The following PPP6R3 variants were observed in gnomAD, a reference collection of about 807,000 sequenced individuals.
The protein encoded by PPP6R3 is serine/threonine-protein phosphatase 6 regulatory subunit 3.
In PPP6R3, 38 loss-of-function variants were observed where a neutral mutation model predicts 110.7. That is an observed-to-expected ratio of 0.34 (90% CI 0.26 to 0.45). PPP6R3 has a LOEUF of 0.45. PPP6R3 is among the 20% of genes least tolerant of loss of function. The probability of loss-of-function intolerance (pLI) is 1.00; values close to 1 mark genes in which losing one functional copy is unlikely to be tolerated. For missense variants in PPP6R3, 870 were observed against 1,062.4 expected (o/e 0.82, Z 2.52); for synonymous variants, 369 against 373.5 (o/e 0.99, Z 0.14).
At chr11:68,600,298 C>A (rs758559753) in intron 19 of PPP6R3, 43 bp from the exon 20 acceptor site, 6 of 1,580,810 alleles carry the variant, frequency 3.8e-6, no homozygotes, top group Non-Finnish European at 4.3e-6. Flanking sequence ...GTACATGAAA[C>A]GACTGAAGTG....
At chr11:68,580,858 G>A (rs1185632290) in intron 14 of PPP6R3, among the ~76,000 whole-genome samples, 4 of 125,564 alleles carry the variant, frequency 3.2e-5, no homozygotes, top group Non-Finnish European at 6.3e-5. Flanking sequence ...TGCAAGCTCC[G>A]CCTCCTGGGT....
intron 1 of PPP6R3, among the ~76,000 whole-genome samples, chr11:68,485,477 C>G (rs2098941208): frequency 6.6e-6 from 1 of 152,078 alleles, no homozygotes; most frequent in African/African-American, 2.4e-5. Flanking sequence ...AGTGGGAAAG[C>G]TTTAATTTCT....
intron 1 of PPP6R3, among the ~76,000 whole-genome samples, chr11:68,512,232 C>T (rs536314198): frequency 3.4e-4 from 51 of 152,168 alleles, no homozygotes; most frequent in Non-Finnish European, 6.6e-4. Flanking sequence ...AATTTATTTT[C>T]TCACATTCTG....
intron 1 of PPP6R3, among the ~76,000 whole-genome samples, chr11:68,477,570 T>A (rs1485682228): frequency 6.6e-6 from 1 of 151,082 alleles, no homozygotes; most frequent in Non-Finnish European, 1.5e-5. Context: ...ACACAAAATT[T>A]AAAAAATTAG....
intron 16 of PPP6R3, among the ~76,000 whole-genome samples, chr11:68,588,841 G>C (rs753861900): frequency 5.9e-5 from 9 of 151,598 alleles, no homozygotes; most frequent in Non-Finnish European, 1.3e-4. Context: ...ATTGTTATTA[G>C]ATTACACTTT....
chr11:68,540,233 T>C (rs2099305719), intron 3 of PPP6R3, among the ~76,000 whole-genome samples: 1 of 152,114 alleles, frequency 6.6e-6, no homozygotes, highest in Non-Finnish European at 1.5e-5. Flanking sequence ...TTTTCTGTTT[T>C]CCCTAAGCGT....
chr11:68,529,039 T>C (rs940644473), intron 2 of PPP6R3, among the ~76,000 whole-genome samples: 12 of 152,248 alleles, frequency 7.9e-5, no homozygotes, highest in African/African-American at 2.9e-4. Flanking sequence ...CAAGGGATGC[T>C]GTGAGGTCTG....
At chr11:68,595,116 C>G (rs1359782047) in intron 18 of PPP6R3, among the ~76,000 whole-genome samples, 1 of 148,878 alleles carries the variant, frequency 6.7e-6, no homozygotes, top group Admixed American at 6.7e-5. Context: ...AAAACTTCTA[C>G]AAGAAAACTT....
chr11:68,558,432 GAAATA>G (rs2099407448), intron 7 of PPP6R3, 129 bp from the exon 8 acceptor site: 3 of 568,808 alleles, frequency 5.3e-6, no homozygotes, highest in African/African-American at 3.9e-5. Flanking sequence ...TAAGTATATA[GAAATA>G]AAATAGTAAA....
chr11:68,575,864 T>C (rs1263071593), intron 13 of PPP6R3, 94 bp from the exon 14 acceptor site: 1 of 843,566 alleles, frequency 1.2e-6, no homozygotes, highest in African/African-American at 1.7e-5. Flanking sequence ...ATGAACCAGG[T>C]GAGTAGGCCC....
chr11:68,552,451 A>T (rs2099384987), intron 6 of PPP6R3, among the ~76,000 whole-genome samples: 1 of 152,226 alleles, frequency 6.6e-6, no homozygotes, highest in Non-Finnish European at 1.5e-5. Context: ...CTTCCCCATT[A>T]TCCCTCTTTG....
chr11:68,563,371 C>A (rs2099435867), intron 8 of PPP6R3, among the ~76,000 whole-genome samples: 1 of 152,200 alleles, frequency 6.6e-6, no homozygotes, highest in African/African-American at 2.4e-5. Context: ...TTTACATTGC[C>A]TTCCCCTCTG....
intron 15 of PPP6R3, 39 bp from the exon 16 acceptor site, chr11:68,587,888 G>A: frequency 6.7e-7 from 1 of 1,489,158 alleles, no homozygotes; most frequent in Non-Finnish European, 9.4e-7. Context: ...AATATCATTA[G>A]AATCATTATA....
At chr11:68,493,629 A>G (rs201019847) in intron 1 of PPP6R3, among the ~76,000 whole-genome samples, 7,285 of 146,182 alleles carry the variant, frequency 0.05, 221 homozygotes, top group Middle Eastern at 0.11. Flanking sequence ...ATATATATAT[A>G]TATATATAAA....
chr11:68,487,618 C>G (rs1001560929), intron 1 of PPP6R3, among the ~76,000 whole-genome samples: 1 of 151,622 alleles, frequency 6.6e-6, no homozygotes, highest in East Asian at 1.9e-4. Flanking sequence ...ATACTTTCAA[C>G]TTTCTCTTGA....
intron 1 of PPP6R3, among the ~76,000 whole-genome samples, chr11:68,482,146 G>GA (rs1347703983): frequency 1.3e-5 from 2 of 149,960 alleles, no homozygotes; most frequent in Non-Finnish European, 3.0e-5. Flanking sequence ...ATCACTTTGG[G>GA]AGGCCGAGGC....
At chr11:68,478,440 C>T (rs757118784) in intron 1 of PPP6R3, among the ~76,000 whole-genome samples, 4 of 151,890 alleles carry the variant, frequency 2.6e-5, no homozygotes, top group African/African-American at 4.8e-5. Context: ...ATATATAGGC[C>T]GAAAACTTAA....
Position 68,501,397 on chromosome 11 carries a change from G to A in PPP6R3, c.-157-18104G>A, listed in dbSNP as rs183655703. 3.0e-4 allele frequency among the ~76,000 whole-genome samples: 46 copies of A among 152,302 alleles called. 1 individual carries two copies. In the East Asian group the frequency reaches 6.0e-3, roughly 20 times the overall value. Reference sequence around the variant, plus strand: ...AGCTGGAGGGCAGTGGCGGGATCTCGGCCAGTGCAACCTCTGCTTCCCAGG... The same window carrying A: ...AGCTGGAGGGCAGTGGCGGGATCTCAGCCAGTGCAACCTCTGCTTCCCAGG... On this transcript the variant is annotated intron_variant, in intron 1 of 23. Coordinates refer to ENST00000393800, the MANE Select transcript of PPP6R3 (RefSeq NM_001164161.2).
intron 19 of PPP6R3, among the ~76,000 whole-genome samples, chr11:68,596,656 A>C (rs1464503688): frequency 6.6e-6 from 1 of 152,216 alleles, no homozygotes; most frequent in Admixed American, 6.5e-5. Flanking sequence ...TTCGTAGTTG[A>C]TTTCAGAAGC....
Sources: allele counts gnomAD v4.1 joint callset (sites outside exome capture counted in the v4.1 genomes callset), GRCh38; gene constraint gnomAD v4.1.1; transcripts MANE v1.5; gene names NCBI Gene and HGNC (gene_info 2026-07-23, HGNC 2026-07-21).